Variants in KIAA1549L observed in about 807,000 individuals in gnomAD.
KIAA1549L encodes the protein KIAA1549 like.
A neutral mutation model predicts 160.7 loss-of-function variants in KIAA1549L; 88 were observed. The ratio of observed to expected loss-of-function variants is 0.55; its 90% CI spans 0.46 to 0.65. The LOEUF is 0.65. Among genes scored for constraint, KIAA1549L ranks in the 30% least tolerant of loss-of-function variants. The pLI is 0.00. For synonymous variants in KIAA1549L, 950 were observed against 976.7 expected (o/e 0.97, Z 0.51); for missense variants, 2,258 against 2,437.5 (o/e 0.93, Z 1.55).
At position 33,542,328 on chromosome 11, in the gene KIAA1549L, A is replaced by G; in HGVS notation, c.765A>G (p.Ser255=). The G allele has an allele frequency of 1.4e-6, 1 of 702,704 alleles. No individual in the cohort carries two copies. Among genetic ancestry groups the G allele is most frequent in the South Asian group, 1.8e-5 (1 of 55,384 alleles). 43.5% of individuals were successfully genotyped at this position (702,704 alleles called of 1,614,324 possible). The part of the protein sequence containing the change: ...LPPSSSLAPD[S]PHSIISEPAE... ...CATCCTCTTCATTGGCTCCTGACTC[A>G]CCTCATTCCATCATCTCTGAGCCAG... The change falls in exon 2 of 21, where the codon TCA becomes TCG. Residue 255 remains serine (S), a synonymous_variant. Coordinates refer to ENST00000658780, the MANE Select transcript of KIAA1549L (RefSeq NM_012194.3).
chr11:33,420,740 T>C (rs1291771784), intron 1 of KIAA1549L, among the ~76,000 whole-genome samples: 1 of 152,200 alleles, frequency 6.6e-6, no homozygotes, highest in Non-Finnish European at 1.5e-5. Context: ...GGACTGCAAC[T>C]CTGCAGTTTT....
chr11:33,636,323 T>C (rs1050703996), intron 16 of KIAA1549L, among the ~76,000 whole-genome samples: 1 of 150,726 alleles, frequency 6.6e-6, no homozygotes, highest in Non-Finnish European at 1.5e-5. Context: ...CTGAGGTTGC[T>C]ACAATCTCTG....
intron 13 of KIAA1549L, among the ~76,000 whole-genome samples, chr11:33,601,816 C>A (rs573267678): frequency 1.3e-5 from 2 of 152,316 alleles, no homozygotes; most frequent in African/African-American, 4.8e-5. Flanking sequence ...TTCTGCTAGC[C>A]AGATGGCTGG....
At chr11:33,580,539 T>C (rs1315946425) in intron 10 of KIAA1549L, among the ~76,000 whole-genome samples, 3 of 127,360 alleles carry the variant, frequency 2.4e-5, no homozygotes, top group African/African-American at 6.2e-5. Flanking sequence ...GTGCCATTAC[T>C]CCAGGCTGGG....
chr11:33,388,994 A>T (rs1401355543), intron 1 of KIAA1549L, among the ~76,000 whole-genome samples: 4 of 152,256 alleles, frequency 2.6e-5, no homozygotes, highest in Admixed American at 2.6e-4. Context: ...GGCTTTGCCC[A>T]AGTGTCCTAA....
intron 1 of KIAA1549L, among the ~76,000 whole-genome samples, chr11:33,506,454 G>A (rs1565162570): frequency 6.6e-6 from 1 of 152,144 alleles, no homozygotes; most frequent in Non-Finnish European, 1.5e-5. Flanking sequence ...GGCCAGGTGC[G>A]GTGGCTCACA....
Position 33,645,976 on chromosome 11 carries a change from C to T in KIAA1549L, c.5700C>T (p.Ala1900=), listed in dbSNP as rs367997871. 5.7e-5 allele frequency: 92 copies of T among 1,611,160 alleles called. No individual in the cohort carries two copies. In the African/African-American group the frequency reaches 1.0e-3, roughly 18 times the overall value. The part of the protein sequence containing the change: ...SAPGTMTRPR[A]GVQWVPTYRP... ...CGGGGACCATGACGCGGCCCAGGGC[C>T]GGGGTGCAGTGGGTGCCGACCTACC... Residue 1900 remains alanine (A), a synonymous_variant, in exon 17 of 21, where the codon GCC becomes GCT. Transcript: ENST00000658780.
rs750320961 is a variant in KIAA1549L, at chr11:33,542,479, G to A, written c.916G>A (p.Ala306Thr). The A allele has an allele frequency of 1.4e-5, 23 of 1,613,042 alleles. No homozygotes were observed. The highest frequency in any genetic ancestry group is 3.3e-4 in the Middle Eastern group (2 of 6,082). The change falls in exon 2 of 21, where the codon GCC (alanine) becomes ACC (threonine). Residue 306 changes from alanine (A) to threonine (T), a missense_variant. By Grantham distance (58) the Ala-to-Thr change is moderately conservative (BLOSUM62 0). Around this residue, in one of 6 missense-constraint regions of KIAA1549L, gnomAD observed 540 missense variants for 465.7 expected, o/e 1.16. Coordinates refer to ENST00000658780, the MANE Select transcript of KIAA1549L (RefSeq NM_012194.3). ...AATGGACCACACTGCATCCCAAAAT[G>A]CCCAGGATCTCATAGGCATCCCTCA... Reference protein sequence around the residue: ...DEMDHTASQNAQDLIGIPHLG... With the variant: ...DEMDHTASQNTQDLIGIPHLG...
intron 1 of KIAA1549L, among the ~76,000 whole-genome samples, chr11:33,506,205 G>GATA (rs1853083051): frequency 6.6e-6 from 1 of 152,186 alleles, no homozygotes; most frequent in Non-Finnish European, 1.5e-5. Context: ...TTAGGAAACT[G>GATA]GAGTGGGCCC....
intron 16 of KIAA1549L, among the ~76,000 whole-genome samples, chr11:33,630,026 G>A (rs545819114): frequency 6.6e-5 from 10 of 152,014 alleles, no homozygotes; most frequent in Admixed American, 1.3e-4. Context: ...TCAGCTGCAG[G>A]TCTGTTGGAG....
chr11:33,377,561 A>T (rs1849982407), intron 1 of KIAA1549L, among the ~76,000 whole-genome samples: 1 of 152,052 alleles, frequency 6.6e-6, no homozygotes, highest in Non-Finnish European at 1.5e-5. Flanking sequence ...GTGGGGGTGG[A>T]TTTTTCTGCT....
At chr11:33,382,856 G>A (rs1850099227) in intron 1 of KIAA1549L, among the ~76,000 whole-genome samples, 2 of 152,078 alleles carry the variant, frequency 1.3e-5, no homozygotes, top group African/African-American at 4.8e-5. Flanking sequence ...CCTCCTCGGG[G>A]GACTGAAGGG....
chr11:33,641,355 A>G (rs932682634), intron 16 of KIAA1549L, among the ~76,000 whole-genome samples: 1 of 152,124 alleles, frequency 6.6e-6, no homozygotes, highest in Non-Finnish European at 1.5e-5. Context: ...AACAGCAACA[A>G]TAATAATTGC....
rs1195629780 is a variant in KIAA1549L at position 33,649,338 on chromosome 11, CGG to C, written c.5760+3306_5760+3307del. Among the ~76,000 whole-genome samples, 1,102 of 128,432 alleles carry C rather than the reference CGG, an allele frequency of 8.6e-3. 24 individuals are homozygous for C. Among genetic ancestry groups the C allele is most frequent in the African/African-American group, 0.031 (965 of 31,618 alleles). The allele number at this position is 128,432 out of a possible 152,430, so 84.3% of individuals were successfully genotyped here. ...GCAATATAATGAGATCCTGTCTCTA[CGG>C]GGGAAAAAAAAAAAAAAAAAAAAAA... On this transcript the variant is annotated intron_variant, in intron 17 of 20. Transcript: ENST00000658780.
intron 1 of KIAA1549L, among the ~76,000 whole-genome samples, chr11:33,463,302 C>T (rs1393237239): frequency 2.0e-5 from 3 of 152,102 alleles, no homozygotes; most frequent in Non-Finnish European, 4.4e-5. Context: ...ATTGTTGACT[C>T]ATCTGCTTTC....
intron 1 of KIAA1549L, among the ~76,000 whole-genome samples, chr11:33,521,208 T>G (rs778761349): frequency 4.6e-5 from 7 of 152,178 alleles, no homozygotes; most frequent in Non-Finnish European, 1.0e-4. Context: ...AAACTCTTCA[T>G]ATTTTCAAAA....
chr11:33,514,893 C>A (rs1460091807), intron 1 of KIAA1549L, among the ~76,000 whole-genome samples: 1 of 152,162 alleles, frequency 6.6e-6, no homozygotes, highest in African/African-American at 2.4e-5. Flanking sequence ...TTCTAAGTAG[C>A]TGATATCTTG....
chr11:33,640,497 C>T (rs537231735), intron 16 of KIAA1549L, among the ~76,000 whole-genome samples: 4 of 152,332 alleles, frequency 2.6e-5, no homozygotes, highest in East Asian at 1.9e-4. Flanking sequence ...TGTGGCAAAG[C>T]GTGGGCTCTC....
chr11:33,401,425 A>G (rs1850498673), intron 1 of KIAA1549L, among the ~76,000 whole-genome samples: 1 of 151,166 alleles, frequency 6.6e-6, no homozygotes, highest in East Asian at 1.9e-4. Context: ...ATCATTTCCA[A>G]TTTCCATACA....
Sources: gnomAD v4.1 joint callset for allele counts (sites outside exome capture counted in the v4.1 genomes callset) on GRCh38, gnomAD v4.1.1 for gene constraint, gnomAD v4.1.1 regional missense constraint, MANE v1.5 for transcripts, NCBI Gene and HGNC (gene_info 2026-07-23, HGNC 2026-07-21) for gene names.